Variants in TTC17 observed in about 807,000 individuals in gnomAD.
TTC17 encodes the protein tetratricopeptide repeat protein 17.
In TTC17, 58 loss-of-function variants were observed where a neutral mutation model predicts 143.8. The ratio of observed to expected loss-of-function variants is 0.40; its 90% CI spans 0.33 to 0.50. The LOEUF (loss-of-function observed/expected upper bound fraction) is 0.50, where lower values mean the gene tolerates loss of function less well. Among genes scored for constraint, TTC17 ranks in the 20% least tolerant of loss-of-function variants. The probability of loss-of-function intolerance (pLI) is 0.49; values close to 1 mark genes in which losing one functional copy is unlikely to be tolerated. For synonymous variants in TTC17, 501 were observed against 497.8 expected, an observed-to-expected ratio of 1.01 and a Z score of -0.09; for missense variants, 1,273 against 1,392.5, an observed-to-expected ratio of 0.91 and a Z score of 1.37.
chr11:43,483,254 CTT>C (rs1948321340), intron 21 of TTC17, among the ~76,000 whole-genome samples: 1 of 152,078 alleles, frequency 6.6e-6, no homozygotes, highest in African/African-American at 2.4e-5. Context: ...ATTCTACAAA[CTT>C]TTGAGAAATA....
At chr11:43,416,224 A>G (rs1039092608) in intron 16 of TTC17, among the ~76,000 whole-genome samples, 3 of 152,048 alleles carry the variant, frequency 2.0e-5, no homozygotes, top group Non-Finnish European at 2.9e-5. Context: ...GGTCTTTTAA[A>G]TGTTGTAGGT....
At chr11:43,383,209 A>G (rs749581975) in intron 2 of TTC17, among the ~76,000 whole-genome samples, 4 of 151,930 alleles carry the variant, frequency 2.6e-5, no homozygotes, top group Non-Finnish European at 4.4e-5. Context: ...AGTTTCTTTA[A>G]CAAATAAATT....
At chr11:43,447,100 A>G (rs1947560175) in intron 18 of TTC17, among the ~76,000 whole-genome samples, 1 of 152,150 alleles carries the variant, frequency 6.6e-6, no homozygotes, top group Admixed American at 6.6e-5. Flanking sequence ...TGGGAGGATC[A>G]CTTGAGTCCA....
intron 1 of TTC17, among the ~76,000 whole-genome samples, chr11:43,377,288 G>A (rs903155272): frequency 2.6e-5 from 4 of 151,648 alleles, no homozygotes; most frequent in East Asian, 1.9e-4. Flanking sequence ...GTAAGATTCC[G>A]TCTAAAAAAA....
In TTC17 at chr11:43,397,440, G is replaced by A. The variant is rs1351970605; in HGVS notation, c.867G>A (p.Leu289=). The part of the protein sequence containing the change: ...ADAAVVVHAA[L]DDSDFFTSYY... ...CTGCTGTCGTGGTCCATGCAGCTCTGGATGACAGTGACTTCTTCACCAGCT... is the reference window on the plus strand; with the variant it reads ...CTGCTGTCGTGGTCCATGCAGCTCTAGATGACAGTGACTTCTTCACCAGCT... The change falls in exon 7 of 24, where the codon CTG becomes CTA. Residue 289 remains leucine (L), a synonymous_variant. Coordinates refer to ENST00000039989, the MANE Select transcript of TTC17 (RefSeq NM_018259.6). 5 of 1,613,242 alleles carry A rather than the reference G, an allele frequency of 3.1e-6. No homozygotes were observed. Among genetic ancestry groups the A allele is most frequent in the African/African-American group, 1.3e-5 (1 of 74,850 alleles).
At chr11:43,367,887 C>G in intron 1 of TTC17, among the ~76,000 whole-genome samples, 1 of 152,182 alleles carries the variant, frequency 6.6e-6, no homozygotes, top group South Asian at 2.1e-4. Flanking sequence ...TCAGTTCTCA[C>G]TAATCTTAAG....
chr11:43,393,899 T>C (rs1268284277), intron 5 of TTC17, among the ~76,000 whole-genome samples: 1 of 152,190 alleles, frequency 6.6e-6, no homozygotes, highest in African/African-American at 2.4e-5. Context: ...TCCCAGTGAT[T>C]TGGTTCCTGG....
At chr11:43,429,227 T>C (rs1947097883) in intron 16 of TTC17, among the ~76,000 whole-genome samples, 1 of 152,214 alleles carries the variant, frequency 6.6e-6, no homozygotes, top group Non-Finnish European at 1.5e-5. Context: ...CAGTAGTTTG[T>C]TTCTCCATTT....
intron 15 of TTC17, among the ~76,000 whole-genome samples, chr11:43,413,707 A>G (rs1946710594): frequency 1.4e-5 from 2 of 144,360 alleles, no homozygotes; most frequent in South Asian, 2.2e-4. Context: ...TAGGCACCTG[A>G]AAAAAAAAAA....
intron 15 of TTC17, among the ~76,000 whole-genome samples, chr11:43,407,790 GTT>G (rs200135125): frequency 6.3e-5 from 9 of 143,920 alleles, no homozygotes; most frequent in African/African-American, 2.3e-4. Flanking sequence ...ACACAGTTAA[GTT>G]TTTTTTTTTT....
chr11:43,416,307 T>G lies in TTC17; in HGVS notation c.2251+1531T>G, dbSNP rs557170115. 9.3e-4 allele frequency among the ~76,000 whole-genome samples: 142 copies of G among 152,316 alleles called. 1 individual carries two copies. The Middle Eastern group carries it at 0.014, about 15-fold the overall frequency. On this transcript the variant is annotated intron_variant, in intron 16 of 23. Transcript: ENST00000039989. ...TTTTATATTAATAGAATCTCTTTTC[T>G]TAATTTACTATCATCTCCCTCAACT...
At chr11:43,363,577 T>C (rs1256125753) in intron 1 of TTC17, among the ~76,000 whole-genome samples, 2 of 152,248 alleles carry the variant, frequency 1.3e-5, no homozygotes, top group African/African-American at 2.4e-5. Context: ...AGCTGTCTTA[T>C]ACATTTTAAT....
intron 21 of TTC17, among the ~76,000 whole-genome samples, chr11:43,455,451 T>C (rs1316245176): frequency 6.6e-6 from 1 of 151,992 alleles, no homozygotes; most frequent in Non-Finnish European, 1.5e-5. Flanking sequence ...ATAAAATGGA[T>C]ACATCATTAG....
At chr11:43,362,660 A>C (rs970306938) in intron 1 of TTC17, among the ~76,000 whole-genome samples, 2 of 152,102 alleles carry the variant, frequency 1.3e-5, no homozygotes, top group Non-Finnish European at 2.9e-5. Context: ...GCCCAGGCTG[A>C]AGTGCATGGT....
intron 2 of TTC17, among the ~76,000 whole-genome samples, chr11:43,380,424 T>G (rs1856921225): frequency 6.6e-6 from 1 of 152,134 alleles, no homozygotes; most frequent in Admixed American, 6.5e-5. Flanking sequence ...CCCAGCTAAT[T>G]TTTGTGCTTT....
chr11:43,436,257 CTG>C, intron 16 of TTC17: 2 of 1,463,472 alleles, frequency 1.4e-6, no homozygotes, highest in African/African-American at 1.4e-5. Flanking sequence ...GAAGAGCCCT[CTG>C]AGAGAGGAAC....
chr11:43,424,406 T>G (rs1001554836), intron 16 of TTC17, among the ~76,000 whole-genome samples: 2 of 151,914 alleles, frequency 1.3e-5, no homozygotes, highest in Non-Finnish European at 2.9e-5. Context: ...GAATCATTCT[T>G]TAAAAAACAT....
chr11:43,483,902 G>T (rs2134473085), intron 21 of TTC17, among the ~76,000 whole-genome samples: 1 of 152,320 alleles, frequency 6.6e-6, no homozygotes, highest in Middle Eastern at 3.4e-3. Context: ...AGCATTTTGG[G>T]AGGCCGAAGT....
intron 16 of TTC17, among the ~76,000 whole-genome samples, chr11:43,416,018 A>G (rs1313314626): frequency 6.6e-6 from 1 of 152,160 alleles, no homozygotes; most frequent in Admixed American, 6.6e-5. Context: ...TTATGGATAC[A>G]TAATAGTTGC....
Sources: allele counts gnomAD v4.1 joint callset (sites outside exome capture counted in the v4.1 genomes callset), GRCh38; gene constraint gnomAD v4.1.1; transcripts MANE v1.5; gene names NCBI Gene and HGNC (gene_info 2026-07-23, HGNC 2026-07-21).